Variants in ENOX1 observed in about 807,000 individuals in gnomAD.
ENOX1 encodes the protein candidate growth-related and time keeping constitutive hydroquinone (NADH) oxidase.
A neutral mutation model predicts 82.5 loss-of-function variants in ENOX1; 42 were observed. That is an observed-to-expected ratio of 0.51 (90% CI 0.40 to 0.66). The LOEUF (loss-of-function observed/expected upper bound fraction) is 0.66. Ranked by LOEUF, ENOX1 falls within the 30% of genes least tolerant of loss-of-function variation. The pLI, the probability that ENOX1 is intolerant of heterozygous loss-of-function variation, is 0.00. For synonymous variants in ENOX1, 271 were observed against 282.2 expected (o/e 0.96, Z 0.40); for missense variants, 608 against 811.6 (o/e 0.75, Z 3.05).
chr13:43,713,143 A>T (rs558949247), intron 1 of ENOX1, among the ~76,000 whole-genome samples: 1 of 152,140 alleles, frequency 6.6e-6, no homozygotes, highest in African/African-American at 2.4e-5. Flanking sequence ...ATTTTGTCAA[A>T]GGCCTTTTCT....
intron 2 of ENOX1, among the ~76,000 whole-genome samples, chr13:43,491,755 C>T (rs776478237): frequency 2.0e-4 from 30 of 152,056 alleles, no homozygotes; most frequent in Non-Finnish European, 3.8e-4. Context: ...GAGTGAGACT[C>T]CATCTCAAAA....
chr13:43,311,007 T>G (rs571323539), intron 11 of ENOX1, among the ~76,000 whole-genome samples: 24 of 151,988 alleles, frequency 1.6e-4, no homozygotes, highest in African/African-American at 5.8e-4. Context: ...AAGAGTAACA[T>G]ACAGAGTGTC....
At chr13:43,502,028 A>G (rs1181059221) in intron 2 of ENOX1, among the ~76,000 whole-genome samples, 1 of 151,572 alleles carries the variant, frequency 6.6e-6, no homozygotes, top group Non-Finnish European at 1.5e-5. Context: ...TAAGTCAAAT[A>G]AAAGAGGGGC....
At chr13:43,607,960 G>A (rs560127986) in intron 2 of ENOX1, among the ~76,000 whole-genome samples, 5 of 152,272 alleles carry the variant, frequency 3.3e-5, no homozygotes, top group African/African-American at 9.6e-5. Context: ...ATGGCTTAAG[G>A]CTGGAAGCAC....
At chr13:43,720,372 CCTCT>C (rs985545502) in intron 1 of ENOX1, among the ~76,000 whole-genome samples, 5 of 152,212 alleles carry the variant, frequency 3.3e-5, no homozygotes, top group African/African-American at 9.7e-5. Flanking sequence ...CCGTTCAATG[CCTCT>C]CTCTATCATT....
At chr13:43,389,395 A>T (rs2052627982) in intron 5 of ENOX1, among the ~76,000 whole-genome samples, 1 of 152,220 alleles carries the variant, frequency 6.6e-6, no homozygotes, top group Admixed American at 6.5e-5. Flanking sequence ...AATTATTTTA[A>T]ATAGCCCCTG....
At position 43,361,436 on chromosome 13, in the gene ENOX1, T is replaced by A; in HGVS notation, c.225A>T (p.Pro75=). 6.2e-7 allele frequency: 1 copy of A among 1,612,180 alleles called. No individual in the cohort carries two copies. The highest frequency in any genetic ancestry group is 8.5e-7 in the Non-Finnish European group (1 of 1,179,582). Residue 75 remains proline (P), a synonymous_variant, in exon 6 of 17, where the codon CCA becomes CCT. Transcript: ENST00000690772. The part of the protein sequence containing the change: ...QQLVSDSICV[P]GFDPSLNMMT... ...TCATGTTGAGGCTTGGATCAAAGCC[T>A]GGGACACAGATTGAGTCTGTAAAGT...
chr13:43,344,540 T>C lies in ENOX1; in HGVS notation c.1034A>G (p.Gln345Arg). The C allele has an allele frequency of 6.2e-7, 1 of 1,613,140 alleles. No homozygotes were observed. The highest frequency in any genetic ancestry group is 8.5e-7 in the Non-Finnish European group (1 of 1,179,498). ...FKNALTGILT[Q>R]FEQIVAVFNA... Reference sequence around the variant, plus strand: ...ATGGCCCCCAAAATTTTACTTACATTGAGTGAGAATCCCAGTTAAGGCATT... The same window carrying C: ...ATGGCCCCCAAAATTTTACTTACATCGAGTGAGAATCCCAGTTAAGGCATT... The change falls in exon 9 of 17, where the codon CAA becomes CGA. Residue 345 changes from glutamine (Q) to arginine (R), a missense_variant and splice_region_variant. Transcript: ENST00000690772.
At position 43,779,340 on chromosome 13, in the gene ENOX1, A is replaced by C. The variant is rs1184411886; in HGVS notation, c.-285+7312T>G. Among the ~76,000 whole-genome samples the C allele has an allele frequency of 2.0e-5, 3 of 152,320 alleles. No homozygotes were observed. In the East Asian group the frequency reaches 5.8e-4, roughly 29 times the overall value. ...AGGGAGACAGCCACTTTTAAAGCAC[A>C]GGTTGTCTAGCTGGCTATGACTGTG... On this transcript the variant is annotated intron_variant, in intron 1 of 16. Transcript: ENST00000690772.
At chr13:43,263,301 T>A (rs1593594201) in intron 14 of ENOX1, among the ~76,000 whole-genome samples, 1 of 152,108 alleles carries the variant, frequency 6.6e-6, no homozygotes, top group Admixed American at 6.5e-5. Flanking sequence ...GACTGTCAGG[T>A]TCTGTTACTT....
At chr13:43,338,449 T>C (rs934785915) in intron 9 of ENOX1, among the ~76,000 whole-genome samples, 4 of 152,234 alleles carry the variant, frequency 2.6e-5, no homozygotes, top group Middle Eastern at 3.4e-3. Flanking sequence ...TAAGGTGACA[T>C]GACAAAGATG....
At chr13:43,248,076 G>C (rs1377530895) in intron 14 of ENOX1, among the ~76,000 whole-genome samples, 2 of 149,290 alleles carry the variant, frequency 1.3e-5, no homozygotes, top group Admixed American at 1.3e-4. Context: ...TAGTAGAGAC[G>C]GGGTTTCACC....
At chr13:43,593,219 A>G (rs1378302089) in intron 2 of ENOX1, among the ~76,000 whole-genome samples, 1 of 152,172 alleles carries the variant, frequency 6.6e-6, no homozygotes, top group Non-Finnish European at 1.5e-5. Context: ...TTCACTGGCA[A>G]TGAAGGAATT....
At chr13:43,442,508 T>A (rs1461204650) in intron 3 of ENOX1, among the ~76,000 whole-genome samples, 1 of 152,166 alleles carries the variant, frequency 6.6e-6, no homozygotes, top group Non-Finnish European at 1.5e-5. Context: ...TGACAGTCAC[T>A]CACTCTAAAT....
rs141515147 is a variant in ENOX1, at chr13:43,475,247, T to C, written c.-75+8762A>G. Reference sequence around the variant, plus strand: ...CAGAAAAATTCTACTTAAAAACATATGTGAGCTAAAAGTGAAAAGCATTTC... The same window carrying C: ...CAGAAAAATTCTACTTAAAAACATACGTGAGCTAAAAGTGAAAAGCATTTC... On this transcript the variant is annotated intron_variant, in intron 3 of 16. Coordinates refer to ENST00000690772, the MANE Select transcript of ENOX1 (RefSeq NM_001347969.2). 3.3e-5 allele frequency among the ~76,000 whole-genome samples: 5 copies of C among 152,248 alleles called. No individual in the cohort carries two copies. The East Asian group carries it at 5.8e-4, about 18-fold the overall frequency.
At chr13:43,598,201 TA>T (rs2081552764) in intron 2 of ENOX1, among the ~76,000 whole-genome samples, 2 of 117,798 alleles carry the variant, frequency 1.7e-5, no homozygotes, top group South Asian at 5.5e-4. Context: ...AATAGGCCTT[TA>T]AAGAAAAAAA....
In ENOX1 at chr13:43,445,185, A is replaced by G. The variant is rs1344844218; in HGVS notation, c.-74-32197T>C. On this transcript the variant is annotated intron_variant, in intron 3 of 16. Transcript: ENST00000690772. ...GTTGCCCAGGCTGGGGCACAGTGGC[A>G]CGATCTCGGCTCACTGCAAGCTCCA... Among the ~76,000 whole-genome samples the G allele has an allele frequency of 3.4e-5, 5 of 146,384 alleles. No homozygotes were observed. The East Asian group carries it at 6.0e-4, about 18-fold the overall frequency.
chr13:43,524,901 G>A (rs995502262), intron 2 of ENOX1, among the ~76,000 whole-genome samples: 17 of 152,058 alleles, frequency 1.1e-4, no homozygotes, highest in Non-Finnish European at 2.4e-4. Flanking sequence ...TTGTTGTGGA[G>A]CAGCATGAAG....
chr13:43,240,408 G>A (rs1593480852), intron 14 of ENOX1, among the ~76,000 whole-genome samples: 1 of 151,948 alleles, frequency 6.6e-6, no homozygotes, highest in East Asian at 1.9e-4. Flanking sequence ...TTATCTGGGA[G>A]GCTTAACAAG....
Sources: allele counts gnomAD v4.1 joint callset (sites outside exome capture counted in the v4.1 genomes callset), GRCh38; gene constraint gnomAD v4.1.1; transcripts MANE v1.5; gene names NCBI Gene and HGNC (gene_info 2026-07-23, HGNC 2026-07-21).